Variants in ANK1 observed in about 807,000 individuals in gnomAD.
ANK1 encodes ankyrin 1, also known as ankyrin-1.
ANK1 carries 51 observed loss-of-function variants against 210.4 expected under a neutral mutation model. The observed-to-expected ratio is 0.24, with a 90% CI of 0.19 to 0.31. ANK1 has a LOEUF of 0.31. ANK1 is among the 10% of genes least tolerant of loss of function. ANK1 has a pLI of 1.00. For synonymous variants in ANK1, 967 were observed against 1,025.9 expected (o/e 0.94, Z 1.10); for missense variants, 2,051 against 2,504.4 (o/e 0.82, Z 3.86).
chr8:41,880,238 G>T (rs1188278517), intron 1 of ANK1, among the ~76,000 whole-genome samples: 1 of 152,156 alleles, frequency 6.6e-6, no homozygotes, highest in African/African-American at 2.4e-5. Context: ...TATTGCCTGT[G>T]GTTGCTTTCA....
chr8:41,749,180 G>A (rs1483098382), intron 2 of ANK1, among the ~76,000 whole-genome samples: 1 of 152,128 alleles, frequency 6.6e-6, no homozygotes, highest in Non-Finnish European at 1.5e-5. Context: ...TGAAAACAGG[G>A]CACGAATTTA....
At chr8:41,688,310 T>C in intron 34 of ANK1, 80 bp from the exon 35 acceptor site, 3 of 1,524,920 alleles carry the variant, frequency 2.0e-6, no homozygotes, top group Non-Finnish European at 2.7e-6. Flanking sequence ...CTGTGATGGA[T>C]GTGGCTTCCG....
intron 17 of ANK1, among the ~76,000 whole-genome samples, chr8:41,706,577 G>A (rs1392472539): frequency 2.0e-5 from 3 of 152,200 alleles, no homozygotes; most frequent in Non-Finnish European, 2.9e-5. Context: ...TTTGGCCCAC[G>A]GGCCCATAGT....
At position 41,823,588 on chromosome 8, in the gene ANK1, G is replaced by A. The variant is rs540653636; in HGVS notation, c.127-65451C>T. On this transcript the variant is annotated intron_variant, in intron 1 of 42. Coordinates refer to the ANK1 transcript ENST00000265709. ...AGCCTGGGCAACACAGCAAGACCAC[G>A]TCTCTACAAAAACTGAAAAAAAAAA... Among the ~76,000 whole-genome samples the A allele has an allele frequency of 9.2e-5, 14 of 151,642 alleles. No homozygotes were observed. In the East Asian group the frequency reaches 1.6e-3, roughly 17 times the overall value.
intron 1 of ANK1, among the ~76,000 whole-genome samples, chr8:41,788,658 A>T (rs1415504834): frequency 6.6e-6 from 1 of 152,206 alleles, no homozygotes. Context: ...GTCGCTACTC[A>T]AGAATGTTCA....
intron 20 of ANK1, among the ~76,000 whole-genome samples, chr8:41,703,422 GTA>G (rs57077078): frequency 0.02 from 1,066 of 53,718 alleles, 65 homozygotes; most frequent in African/African-American, 0.066. Flanking sequence ...GTGTGTGTGT[GTA>G]TATATATATA....
chr8:41,661,501 C>T lies in ANK1; in HGVS notation c.5608G>A (p.Val1870Met), dbSNP rs776920329. Residue 1870 changes from valine to methionine, a missense_variant, in exon 42 of 43, where the codon GTG becomes ATG. Around this residue, in one of 6 missense-constraint regions of ANK1, gnomAD observed 496 missense variants for 533.4 expected, o/e 0.93. Transcript: ENST00000289734. ...CCCCTTTTCAGGCTGGCCCGCTTCA[C>T]TATCTGCGCCCCCTTCCTGCCCTCT... ...LIEGRKGAQI[V>M]KRASLKRGKQ 8.7e-6 allele frequency: 14 copies of T among 1,614,128 alleles called. No homozygotes were observed. Among genetic ancestry groups the T allele is most frequent in the South Asian group, 5.5e-5 (5 of 91,076 alleles).
At chr8:41,783,060 G>A (rs1845657399) in intron 1 of ANK1, among the ~76,000 whole-genome samples, 1 of 152,210 alleles carries the variant, frequency 6.6e-6, no homozygotes, top group Admixed American at 6.5e-5. Context: ...GCAGGCCCAG[G>A]AGGAGGAAGA....
chr8:41,702,164 G>C lies in ANK1; in HGVS notation c.2296-20C>G. The C allele has an allele frequency of 6.2e-7, 1 of 1,604,228 alleles. No homozygotes were observed. Among genetic ancestry groups the C allele is most frequent in the Non-Finnish European group, 8.5e-7 (1 of 1,171,238 alleles). Reference sequence around the variant, plus strand: ...TCCATCCTGGGGAAAGAGCAGCCCGGGTGCAGTCAGACAGGGGATGGAGTC... The same window carrying C: ...TCCATCCTGGGGAAAGAGCAGCCCGCGTGCAGTCAGACAGGGGATGGAGTC... On this transcript the variant is annotated intron_variant, in intron 20 of 42. Coordinates refer to ENST00000289734, the MANE Select transcript of ANK1 (RefSeq NM_000037.4).
Position 41,704,136 on chromosome 8 carries a change from C to T in ANK1, c.2200G>A (p.Gly734Arg), listed in dbSNP as rs750743154. The T allele has an allele frequency of 6.2e-7, 1 of 1,613,904 alleles. No individual in the cohort carries two copies. The highest frequency in any genetic ancestry group is 8.5e-7 in the Non-Finnish European group (1 of 1,179,988). The change falls in exon 20 of 43, where the codon GGA (glycine) becomes AGA (arginine). Residue 734 changes from glycine to arginine, a missense_variant. Gly to Arg is a moderately radical substitution (Grantham distance 125). Around this residue, in one of 6 missense-constraint regions of ANK1, gnomAD observed 1,413 missense variants for 1,707.4 expected, o/e 0.83. Transcript: ENST00000289734. This position sits in a 1 kb window ranked among gnomAD's most constrained non-coding sequence, Gnocchi z 4.1. ...QADVNAKTKL[G>R]YSPLHQAAQQ... is the part of the protein sequence containing the mutation. ...GCTGCCTGGTGCAGGGGGCTGTATC[C>T]TAGCTGCAAAGTGAGCAGACATTTA...
At chr8:41,761,118 CACAT>C in intron 1 of ANK1, among the ~76,000 whole-genome samples, 1 of 136,862 alleles carries the variant, frequency 7.3e-6, no homozygotes, top group Non-Finnish European at 1.6e-5. Context: ...GGAGAAGACA[CACAT>C]GCACACACAC....
rs544422554 is a variant in ANK1 at position 41,750,503 on chromosome 8, G to A, written c.129+7533C>T. On this transcript the variant is annotated intron_variant, in intron 2 of 42. Transcript: ENST00000289734. ...TGATGGTGCTTAGTCTAGTTCCTAC[G>A]TGGACTAAGTATAAAATATATAAGC... Among the ~76,000 whole-genome samples the A allele has an allele frequency of 3.5e-4, 54 of 152,158 alleles. No homozygotes were observed. The Middle Eastern group carries it at 0.01, about 29-fold the overall frequency.
At position 41,668,413 on chromosome 8, in the gene ANK1, A is replaced by C; in HGVS notation, c.5248T>G (p.Tyr1750Asp). ...EGLEPGGSQE[Y>D]EKVLVSVSEH... ...CTTACAGACACCAGGACCTTCTCGT[A>C]CTCCTGAGATCCACCGGGCTCTAGC... The change falls in exon 39 of 43, where the codon TAC becomes GAC. Residue 1750 changes from tyrosine (Y) to aspartate (D), a missense_variant. Transcript: ENST00000289734. 1 of 1,613,676 alleles carries C rather than the reference A, an allele frequency of 6.2e-7. No homozygotes were observed.
chr8:41,874,029 C>G (rs772943986), intron 1 of ANK1, among the ~76,000 whole-genome samples: 16 of 152,232 alleles, frequency 1.1e-4, no homozygotes, highest in Non-Finnish European at 2.2e-4. Context: ...GGTACACACA[C>G]AAGCACACAT....
At chr8:41,713,061 C>T (rs1466615661) in intron 16 of ANK1, among the ~76,000 whole-genome samples, 8 of 152,174 alleles carry the variant, frequency 5.3e-5, no homozygotes, top group Non-Finnish European at 1.0e-4. Context: ...AGGGAGAACG[C>T]GCCGAAGCCC....
At chr8:41,726,098 G>A in intron 5 of ANK1, 152 bp from the exon 6 acceptor site, 2 of 856,068 alleles carry the variant, frequency 2.3e-6, no homozygotes, top group South Asian at 2.9e-5. Flanking sequence ...GCCAAGTTTA[G>A]CCTAAATGCC....
intron 2 of ANK1, among the ~76,000 whole-genome samples, chr8:41,750,180 A>T (rs950041154): frequency 6.6e-6 from 1 of 152,218 alleles, no homozygotes; most frequent in African/African-American, 2.4e-5. Context: ...TAGGCGCTCC[A>T]TTTATTCCAA....
chr8:41,656,876 G>C (rs1805905112), intron 42 of ANK1, among the ~76,000 whole-genome samples: 1 of 152,194 alleles, frequency 6.6e-6, no homozygotes, highest in Non-Finnish European at 1.5e-5. Flanking sequence ...GGCTGCTGTA[G>C]AACTGTAAAG....
chr8:41,655,957 TGCAGAG>T (rs1319258868), intron 42 of ANK1, among the ~76,000 whole-genome samples: 1 of 152,250 alleles, frequency 6.6e-6, no homozygotes, highest in Non-Finnish European at 1.5e-5. Flanking sequence ...TTGCTCCCTA[TGCAGAG>T]GCTGTTCCTC....
Sources: gnomAD v4.1 joint callset for allele counts (sites outside exome capture counted in the v4.1 genomes callset) on GRCh38, gnomAD v4.1.1 for gene constraint, gnomAD v4.1.1 regional missense constraint, Gnocchi (gnomAD v3.1) non-coding constraint, MANE v1.5 for transcripts, NCBI Gene and HGNC (gene_info 2026-07-23, HGNC 2026-07-21) for gene names.